The following CYP4V2 variants were observed in gnomAD, a reference collection of about 807,000 sequenced individuals.
CYP4V2 encodes the protein cytochrome P450 family 4 subfamily V member 2, also known as cytochrome P450 4V2.
Under a neutral mutation model 60.8 loss-of-function variants are expected in CYP4V2, and 55 were observed. That is an observed-to-expected ratio of 0.90 (90% CI 0.73 to 1.13). The LOEUF is 1.13. CYP4V2 is among the 50% of genes most tolerant of loss of function. CYP4V2 has a pLI of 0.00. For missense variants in CYP4V2, 675 were observed against 662.9 expected (o/e 1.02, Z -0.20); for synonymous variants, 239 against 236.8 (o/e 1.01, Z -0.08).
chr4:186,200,311 A>G (rs186295145), intron 6 of CYP4V2, among the ~76,000 whole-genome samples: 2 of 152,316 alleles, frequency 1.3e-5, no homozygotes, highest in Non-Finnish European at 2.9e-5. Context: ...GTTGAAATGT[A>G]CAACCAAATT....
rs1437588753 is a variant in CYP4V2 at position 186,212,035 on chromosome 4, T to C, written c.*1394T>C. ...GGAGCTAGAAGGACTTTAGAACTTA[T>C]CTAGTTATGCTCCTTTATATTATAA... On this transcript the variant is annotated 3_prime_UTR_variant, in exon 11 of 11. Transcript: ENST00000378802. The C allele has an allele frequency of 6.6e-6, 1 of 152,178 alleles. No homozygotes were observed. 9.4% of individuals were successfully genotyped at this position (152,178 alleles called of 1,614,324 possible). A position where few individuals can be genotyped will look rare whatever the true frequency, so the allele number is the denominator to read the frequency against.
intron 8 of CYP4V2, among the ~76,000 whole-genome samples, chr4:186,208,467 T>C (rs1736598774): frequency 2.0e-5 from 3 of 151,750 alleles, no homozygotes; most frequent in Admixed American, 2.0e-4. Flanking sequence ...CATGTTCTTC[T>C]TTGAAGGGTA....
intron 1 of CYP4V2, among the ~76,000 whole-genome samples, chr4:186,192,919 C>G (rs5004484): frequency 0.34 from 52,217 of 151,788 alleles, 10,991 homozygotes; most frequent in Non-Finnish European, 0.48. Flanking sequence ...TGAGCATTAA[C>G]TAACTCCAAA....
At chr4:186,206,335 A>C (rs1418729574) in intron 8 of CYP4V2, among the ~76,000 whole-genome samples, 1 of 152,136 alleles carries the variant, frequency 6.6e-6, no homozygotes, top group African/African-American at 2.4e-5. Context: ...AATTTAATCA[A>C]ATCTGCCAAG....
intron 8 of CYP4V2, among the ~76,000 whole-genome samples, chr4:186,207,148 C>G (rs72646288): frequency 0.014 from 2,151 of 152,104 alleles, 22 homozygotes; most frequent in Admixed American, 0.025. Context: ...GTGGCTCACG[C>G]CTGTAATCCC....
At chr4:186,193,478 A>C (rs1736052199) in intron 1 of CYP4V2, among the ~76,000 whole-genome samples, 1 of 152,238 alleles carries the variant, frequency 6.6e-6, no homozygotes, top group African/African-American at 2.4e-5. Flanking sequence ...GCATCAGGAA[A>C]ACCACTGTTC....
chr4:186,191,679 G>T lies in CYP4V2; in HGVS notation c.-145G>T, dbSNP rs981198069. ...GGCCGCCGCCCGGGCGGGAAACGTC[G>T]TTCCGGGGACCGGGCGACCCCGCAG... On this transcript the variant is annotated 5_prime_UTR_variant, in exon 1 of 11. Transcript: ENST00000378802. 2 of 758,328 alleles carry T rather than the reference G, an allele frequency of 2.6e-6. No homozygotes were observed. The highest frequency in any genetic ancestry group is 3.5e-6 in the Non-Finnish European group (2 of 564,140). 47.0% of individuals were successfully genotyped at this position (758,328 alleles called of 1,614,324 possible).
At chr4:186,206,596 G>C (rs1435129110) in intron 8 of CYP4V2, among the ~76,000 whole-genome samples, 2 of 152,192 alleles carry the variant, frequency 1.3e-5, no homozygotes, top group African/African-American at 4.8e-5. Context: ...TAAAGCTGGA[G>C]AGAGAAGGCA....
At chr4:186,197,215 A>T (rs187249105) in intron 4 of CYP4V2, 85 bp downstream of exon 4, 2 of 1,497,540 alleles carry the variant, frequency 1.3e-6, no homozygotes, top group African/African-American at 1.4e-5. Context: ...GGGAAGGCAA[A>T]TGGGGGGACG....
chr4:186,197,536 C>T lies in CYP4V2; in HGVS notation c.608C>T (p.Thr203Ile), dbSNP rs1397495020. Residue 203 changes from threonine (T) to isoleucine (I), a missense_variant, in exon 5 of 11, where the codon ACA (threonine) becomes ATA (isoleucine). By Grantham distance (89) the Thr-to-Ile change is moderately conservative (BLOSUM62 -1). Transcript: ENST00000378802. ...GCTTCTCACCCATATTTTATAGAAA[C>T]AGCTATGGGGAAGAATATTGGTGCT... ...TLCALDIICE[T>I]AMGKNIGAQS... is the part of the protein sequence containing the mutation. The T allele has an allele frequency of 2.5e-6, 4 of 1,614,172 alleles. No homozygotes were observed. The South Asian group carries it at 3.3e-5, about 13-fold the overall frequency.
intron 8 of CYP4V2, among the ~76,000 whole-genome samples, chr4:186,206,004 G>A (rs1441844985): frequency 6.6e-6 from 1 of 152,136 alleles, no homozygotes; most frequent in Non-Finnish European, 1.5e-5. Flanking sequence ...CTGGACACCC[G>A]AGTCAAAGAT....
At position 186,204,901 on chromosome 4, in the gene CYP4V2, C is replaced by CA. The variant is rs1736450235; in HGVS notation, c.988-296dup. ...TGAAAATCAGACTTTGTTCTGTTCACAAAGGCGCAGCTCACCTCGTGCCCA... is the reference window on the plus strand; with the variant it reads ...TGAAAATCAGACTTTGTTCTGTTCACAAAAGGCGCAGCTCACCTCGTGCCCA... On this transcript the variant is annotated intron_variant, in intron 7 of 10. Coordinates refer to ENST00000378802, the MANE Select transcript of CYP4V2 (RefSeq NM_207352.4). 58 of 439,930 alleles carry CA rather than the reference C, an allele frequency of 1.3e-4. 3 individuals are homozygous for CA. Among genetic ancestry groups the CA allele is most frequent in the South Asian group, 1.2e-3 (58 of 47,656 alleles). 27.3% of individuals were successfully genotyped at this position (439,930 alleles called of 1,614,324 possible).
intron 1 of CYP4V2, among the ~76,000 whole-genome samples, chr4:186,193,060 T>A (rs1447605201): frequency 2.0e-5 from 3 of 152,112 alleles, no homozygotes; most frequent in Admixed American, 2.0e-4. Flanking sequence ...CAGAAAAAAA[T>A]CAAGCGAACT....
intron 1 of CYP4V2, among the ~76,000 whole-genome samples, chr4:186,192,521 G>C (rs887330104): frequency 1.3e-5 from 2 of 152,134 alleles, no homozygotes; most frequent in Non-Finnish European, 2.9e-5. Context: ...TTCAGTTCCC[G>C]CTTGACCTTC....
At chr4:186,196,810 A>G in intron 3 of CYP4V2, 130 bp from the exon 4 acceptor site, 1 of 814,778 alleles carries the variant, frequency 1.2e-6, no homozygotes, top group Non-Finnish European at 1.9e-6. Context: ...GAGAACCTGT[A>G]GATGAAGCTG....
chr4:186,205,440 C>T (rs751222508), intron 8 of CYP4V2, 138 bp downstream of exon 8: 167 of 867,814 alleles, frequency 1.9e-4, no homozygotes, highest in Non-Finnish European at 2.8e-4. Context: ...TGCAAGGCCT[C>T]GTCCATTCAC....
chr4:186,198,983 T>C lies in CYP4V2; in HGVS notation c.701T>C (p.Ile234Thr). 5 of 1,614,156 alleles carry C rather than the reference T, an allele frequency of 3.1e-6. No individual in the cohort carries two copies. The highest frequency in any genetic ancestry group is 4.2e-6 in the Non-Finnish European group (5 of 1,180,012). Residue 234 changes from isoleucine to threonine, a missense_variant, in exon 6 of 11, where the codon ATA (isoleucine) becomes ACA (threonine). Transcript: ENST00000378802. ...YRMSEMIFRRIKMPWLWLDLW... is the reference protein window; with the variant it reads ...YRMSEMIFRRTKMPWLWLDLW... ...ATGAGTGAGATGATATTTCGAAGAA[T>C]AAAGATGCCCTGGCTTTGGCTTGAT...
Position 186,191,936 on chromosome 4 carries a change from C to T in CYP4V2, c.113C>T (p.Ala38Val). Residue 38 changes from alanine (A) to valine (V), a missense_variant, in exon 1 of 11, where the codon GCG becomes GTG. Physicochemically the swap from Ala to Val is moderately conservative, Grantham distance 64. Transcript: ENST00000378802. The stretch of plus-strand genomic sequence containing the variant: ...GTCCTGAGCCTGCTGCAGAGGGTGG[C>T]GAGCTACGCGCGGAAATGGCAGCAG... ...SLVLSLLQRV[A>V]SYARKWQQMR... 3 of 1,591,196 alleles carry T rather than the reference C, an allele frequency of 1.9e-6. No homozygotes were observed. Among genetic ancestry groups the T allele is most frequent in the Non-Finnish European group, 2.6e-6 (3 of 1,172,108 alleles).
intron 7 of CYP4V2, 161 bp from the exon 8 acceptor site, chr4:186,205,039 T>G: frequency 1.4e-6 from 1 of 733,362 alleles, no homozygotes; most frequent in Non-Finnish European, 2.4e-6. Context: ...GCTTGTTTCC[T>G]TGTTTGTCAC....
Sources: gnomAD v4.1 joint callset for allele counts (sites outside exome capture counted in the v4.1 genomes callset) on GRCh38, gnomAD v4.1.1 for gene constraint, MANE v1.5 for transcripts, NCBI Gene and HGNC (gene_info 2026-07-23, HGNC 2026-07-21) for gene names.